GRID2: variants seen among roughly 807,000 people sequenced by gnomAD.
GRID2 encodes the protein glutamate ionotropic receptor delta type subunit 2.
GRID2 carries 33 observed loss-of-function variants against 114.8 expected under a neutral mutation model. The ratio of observed to expected loss-of-function variants is 0.29; its 90% confidence interval spans 0.22 to 0.38. The LOEUF (loss-of-function observed/expected upper bound fraction) is 0.38, where lower values mean the gene tolerates loss of function less well. Among genes scored for constraint, GRID2 ranks in the 10% least tolerant of loss-of-function variants. The probability of loss-of-function intolerance (pLI) is 1.00; values close to 1 mark genes in which losing one functional copy is unlikely to be tolerated. For missense variants in GRID2, 1,184 were observed against 1,257.7 expected (o/e 0.94, Z 0.89); for synonymous variants, 505 against 449.9 (o/e 1.12, Z -1.55).
chr4:92,365,067 T>C (rs1728787685), intron 1 of GRID2, among the ~76,000 whole-genome samples: 1 of 151,990 alleles, frequency 6.6e-6, no homozygotes, highest in Non-Finnish European at 1.5e-5. Context: ...GTATGGCAAT[T>C]ATGGAAAATG....
chr4:93,385,958 C>T (rs563833038), intron 8 of GRID2, among the ~76,000 whole-genome samples: 1 of 152,178 alleles, frequency 6.6e-6, no homozygotes, highest in East Asian at 1.9e-4. Flanking sequence ...ATCTACCATA[C>T]TGTCCATATA....
chr4:92,607,980 AG>A (rs1729538624), intron 2 of GRID2, among the ~76,000 whole-genome samples: 1 of 151,900 alleles, frequency 6.6e-6, no homozygotes, highest in Non-Finnish European at 1.5e-5. Flanking sequence ...AAGGATGGCA[AG>A]TTGAGGGGGG....
At chr4:92,457,066 G>T (rs1291211755) in intron 1 of GRID2, among the ~76,000 whole-genome samples, 2 of 152,062 alleles carry the variant, frequency 1.3e-5, no homozygotes, top group African/African-American at 2.4e-5. Flanking sequence ...TGAGCTTCTT[G>T]TTATAGTTTC....
chr4:93,461,969 G>T (rs6814101), intron 11 of GRID2, among the ~76,000 whole-genome samples: 36,564 of 152,020 alleles, frequency 0.24, 5,411 homozygotes, highest in Non-Finnish European at 0.33. Context: ...TATGTAATTT[G>T]CTTTCTGTTT....
At chr4:92,620,871 A>G (rs947439156) in intron 2 of GRID2, among the ~76,000 whole-genome samples, 1 of 151,406 alleles carries the variant, frequency 6.6e-6, no homozygotes, top group Admixed American at 6.6e-5. Flanking sequence ...GCAGCATACC[A>G]ACATGACACA....
chr4:93,316,332 G>GAAAA (rs56306757), intron 8 of GRID2, among the ~76,000 whole-genome samples: 1 of 48,718 alleles, frequency 2.1e-5, no homozygotes, highest in Non-Finnish European at 4.3e-5. Flanking sequence ...AAGAAAGAAA[G>GAAAA]AAAGAAAGAA....
intron 8 of GRID2, among the ~76,000 whole-genome samples, chr4:93,315,952 A>G (rs932692348): frequency 1.3e-5 from 2 of 152,062 alleles, no homozygotes; most frequent in Non-Finnish European, 2.9e-5. Flanking sequence ...CAAATTACCT[A>G]ATTTGTATTA....
At chr4:92,579,389 C>T (rs1336518026) in intron 1 of GRID2, among the ~76,000 whole-genome samples, 1 of 151,976 alleles carries the variant, frequency 6.6e-6, no homozygotes, top group African/African-American at 2.4e-5. Context: ...AGGATTACTA[C>T]ATTCCATGTC....
intron 2 of GRID2, among the ~76,000 whole-genome samples, chr4:92,858,765 G>A (rs1185803661): frequency 6.6e-6 from 1 of 152,068 alleles, no homozygotes; most frequent in Non-Finnish European, 1.5e-5. Flanking sequence ...CACCATGTTA[G>A]CCAGGATGGT....
chr4:93,227,321 G>A (rs142746751), intron 7 of GRID2, among the ~76,000 whole-genome samples: 1,598 of 151,924 alleles, frequency 0.011, 34 homozygotes, highest in African/African-American at 0.037. Context: ...TCTGCCTCCC[G>A]GGTTCAAGTG....
At chr4:93,148,770 T>TGGTA (rs1376884176) in intron 4 of GRID2, among the ~76,000 whole-genome samples, 31 of 152,316 alleles carry the variant, frequency 2.0e-4, no homozygotes, top group African/African-American at 7.5e-4. Context: ...AGGGATTTTG[T>TGGTA]CTGTTTTTAA....
chr4:93,594,918 A>C (rs866928447), intron 13 of GRID2, among the ~76,000 whole-genome samples: 1 of 152,160 alleles, frequency 6.6e-6, no homozygotes, highest in Non-Finnish European at 1.5e-5. Context: ...CGGCTCATGC[A>C]CGGTGCACGC....
chr4:92,729,510 TAAG>T (rs1300346069), intron 2 of GRID2, among the ~76,000 whole-genome samples: 3 of 152,070 alleles, frequency 2.0e-5, no homozygotes, highest in Admixed American at 6.6e-5. Flanking sequence ...TTCTATGGGA[TAAG>T]AAGCATGTTT....
chr4:92,321,701 A>C (rs971781459), intron 1 of GRID2, among the ~76,000 whole-genome samples: 2 of 152,192 alleles, frequency 1.3e-5, no homozygotes, highest in East Asian at 1.9e-4. Context: ...TAGATTAAAT[A>C]TAAGAAATTT....
At position 93,356,699 on chromosome 4, in the gene GRID2, T is replaced by A. The variant is rs566916911; in HGVS notation, c.1246-38908T>A. Reference sequence around the variant, plus strand: ...AGTAGCATTTTATTAAAACATAACGTGTAAACAAAAAAAGTTGTACAAGAA... The same window carrying A: ...AGTAGCATTTTATTAAAACATAACGAGTAAACAAAAAAAGTTGTACAAGAA... On this transcript the variant is annotated intron_variant, in intron 8 of 15. Transcript: ENST00000282020. Among the ~76,000 whole-genome samples, 22 of 152,008 alleles carry A rather than the reference T, an allele frequency of 1.4e-4. No homozygotes were observed. In the East Asian group the frequency reaches 4.2e-3, roughly 29 times the overall value.
At chr4:93,369,999 A>G (rs1453693417) in intron 8 of GRID2, among the ~76,000 whole-genome samples, 2 of 152,090 alleles carry the variant, frequency 1.3e-5, no homozygotes, top group Non-Finnish European at 2.9e-5. Flanking sequence ...AGATCTCCCC[A>G]GTTTGGCACT....
intron 8 of GRID2, among the ~76,000 whole-genome samples, chr4:93,257,836 CA>C: frequency 6.6e-6 from 1 of 151,154 alleles, no homozygotes; most frequent in Non-Finnish European, 1.5e-5. Flanking sequence ...CCTACTTCAG[CA>C]ACGCATAGGA....
At chr4:93,203,358 A>G (rs1446665160) in intron 4 of GRID2, among the ~76,000 whole-genome samples, 1 of 152,156 alleles carries the variant, frequency 6.6e-6, no homozygotes, top group Admixed American at 6.5e-5. Flanking sequence ...ACAATAATAC[A>G]TGGATTTTAG....
chr4:92,697,350 A>G (rs1229629591), intron 2 of GRID2, among the ~76,000 whole-genome samples: 1 of 152,302 alleles, frequency 6.6e-6, no homozygotes, highest in East Asian at 1.9e-4. Context: ...GTACAAAAGT[A>G]CAAGGGGTTA....
Sources: gnomAD v4.1 joint callset for allele counts (sites outside exome capture counted in the v4.1 genomes callset) on GRCh38, gnomAD v4.1.1 for gene constraint, MANE v1.5 for transcripts, NCBI Gene and HGNC (gene_info 2026-07-23, HGNC 2026-07-21) for gene names.